NCKAP1: variants seen among roughly 807,000 people sequenced by gnomAD.
The protein encoded by NCKAP1 is NCK associated protein 1, also known as nck-associated protein 1.
A neutral mutation model predicts 151.2 loss-of-function variants in NCKAP1; 21 were observed. The ratio of observed to expected loss-of-function variants is 0.14; its 90% CI spans 0.10 to 0.20. The LOEUF (loss-of-function observed/expected upper bound fraction) is 0.20, where lower values mean the gene tolerates loss of function less well. Ranked by LOEUF, NCKAP1 falls within the 10% of genes least tolerant of loss-of-function variation. The pLI, the probability that NCKAP1 is intolerant of heterozygous loss-of-function variation, is 1.00. For synonymous variants in NCKAP1, 484 were observed against 451.8 expected (o/e 1.07, Z -0.90); for missense variants, 933 against 1,352.1 (o/e 0.69, Z 4.86).
chr2:183,025,268 A>C (rs556433245), intron 1 of NCKAP1, among the ~76,000 whole-genome samples: 1 of 152,330 alleles, frequency 6.6e-6, no homozygotes, highest in South Asian at 2.1e-4. Context: ...AACTTAAAAT[A>C]ATACTAGAAA....
intron 1 of NCKAP1, among the ~76,000 whole-genome samples, chr2:183,027,270 A>T (rs73977807): frequency 0.013 from 2,007 of 152,304 alleles, 48 homozygotes; most frequent in African/African-American, 0.046. Context: ...TTTTATGTTC[A>T]CTACATGAAA....
In NCKAP1 at chr2:182,962,236, A is replaced by C; in HGVS notation, c.1804T>G (p.Phe602Val). The change falls in exon 18 of 31, where the codon TTC (phenylalanine) becomes GTC (valine). Residue 602 changes from phenylalanine (F) to valine (V), a missense_variant. Phe to Val is a conservative substitution (Grantham distance 50, BLOSUM62 -1). Transcript: ENST00000361354. The part of the protein sequence containing the change: ...GDRSLSLCNM[F>V]LDEMAKQARN... ...GCTTGTTTGGCCATTTCATCTAGGA[A>C]CATATTACATAAGGAAAGACTGCGA... 6.2e-7 allele frequency: 1 copy of C among 1,611,064 alleles called. No individual in the cohort carries two copies. Among genetic ancestry groups the C allele is most frequent in the Non-Finnish European group, 8.5e-7 (1 of 1,177,566 alleles).
intron 15 of NCKAP1, among the ~76,000 whole-genome samples, chr2:182,968,400 A>T (rs896872031): frequency 1.3e-5 from 2 of 152,080 alleles, no homozygotes; most frequent in Non-Finnish European, 2.9e-5. Flanking sequence ...CTGTTGGGAG[A>T]TACTCCTGCA....
intron 23 of NCKAP1, 74 bp from the exon 24 acceptor site, chr2:182,942,237 T>C: frequency 1.8e-6 from 2 of 1,130,406 alleles, no homozygotes; most frequent in Non-Finnish European, 2.6e-6. Flanking sequence ...TGCTTGGAAA[T>C]TACAATCTGG....
At chr2:182,970,929 C>G (rs1356429901) in intron 15 of NCKAP1, among the ~76,000 whole-genome samples, 1 of 151,974 alleles carries the variant, frequency 6.6e-6, no homozygotes, top group African/African-American at 2.4e-5. Flanking sequence ...ATACAAAAAT[C>G]AGAGGCATTT....
rs962184710 is a variant in NCKAP1, at chr2:182,953,487, C to T, written c.2154-156G>A. The stretch of plus-strand genomic sequence containing the variant: ...GCTGTAAAATTACTGTCATTATCTT[C>T]CCAGGAAACAGCGTAAAAAAAGAAT... On this transcript the variant is annotated intron_variant, in intron 20 of 30. Transcript: ENST00000361354. 3.3e-5 allele frequency among the ~76,000 whole-genome samples: 5 copies of T among 152,084 alleles called. No individual in the cohort carries two copies. The East Asian group carries it at 9.6e-4, about 29-fold the overall frequency.
intron 28 of NCKAP1, among the ~76,000 whole-genome samples, chr2:182,928,574 T>C (rs1696694917): frequency 1.6e-5 from 2 of 123,952 alleles, no homozygotes; most frequent in Admixed American, 1.6e-4. Context: ...ATGAGTTGGA[T>C]AATCCCTCAC....
intron 1 of NCKAP1, among the ~76,000 whole-genome samples, chr2:183,027,698 A>T (rs1016953876): frequency 2.6e-5 from 4 of 152,104 alleles, no homozygotes; most frequent in East Asian, 1.9e-4. Context: ...CTACAAAAAA[A>T]TTTTTAAAAA....
chr2:182,979,211 G>A (rs865935246), intron 13 of NCKAP1, among the ~76,000 whole-genome samples: 5 of 152,080 alleles, frequency 3.3e-5, no homozygotes, highest in African/African-American at 7.2e-5. Flanking sequence ...ACAAACACCA[G>A]TTGCTGTCAG....
intron 2 of NCKAP1, among the ~76,000 whole-genome samples, chr2:183,018,617 C>T (rs1698739520): frequency 6.6e-6 from 1 of 152,096 alleles, no homozygotes; most frequent in African/African-American, 2.4e-5. Context: ...TTCAATAATA[C>T]CATTAATAAG....
intron 15 of NCKAP1, 115 bp from the exon 16 acceptor site, chr2:182,967,476 T>G: frequency 1.1e-6 from 1 of 915,500 alleles, no homozygotes; most frequent in Non-Finnish European, 1.7e-6. Context: ...ACTGTGACAC[T>G]GACAGTAACA....
chr2:183,031,250 A>C (rs953683302), intron 1 of NCKAP1, among the ~76,000 whole-genome samples: 2 of 152,210 alleles, frequency 1.3e-5, no homozygotes, highest in African/African-American at 4.8e-5. Context: ...TTAGTGATTC[A>C]AATGAGTTAT....
At chr2:183,013,567 C>T (rs1406957610) in intron 2 of NCKAP1, among the ~76,000 whole-genome samples, 1 of 152,192 alleles carries the variant, frequency 6.6e-6, no homozygotes, top group African/African-American at 2.4e-5. Context: ...CAGCTCTCAT[C>T]TCAATGATGG....
At chr2:182,928,423 G>A (rs191577587) in intron 28 of NCKAP1, among the ~76,000 whole-genome samples, 197 bp from the exon 29 acceptor site, 2 of 152,122 alleles carry the variant, frequency 1.3e-5, no homozygotes, top group East Asian at 1.9e-4. Flanking sequence ...AGTAACAAAC[G>A]ATCGTGTATA....
rs5836857 is a variant in NCKAP1, at chr2:182,910,948, G to GCACCCCCCCCCC, written c.*14753_*14754insGGGGGGGGGGTG. On this transcript the variant is annotated 3_prime_UTR_variant, in exon 31 of 31. Coordinates refer to ENST00000361354, the MANE Select transcript of NCKAP1 (RefSeq NM_013436.5). ...CTTGGAAATAAAAATAAAATCCTAA[G>GCACCCCCCCCCC]CTCCCCCCCCACATTTGACTAAACA... is the stretch of plus-strand genomic sequence containing the variant. 3 of 117,814 alleles carry GCACCCCCCCCCC rather than the reference G, an allele frequency of 2.5e-5. No individual in the cohort carries two copies. Among genetic ancestry groups the GCACCCCCCCCCC allele is most frequent in the Non-Finnish European group, 5.3e-5 (3 of 56,332 alleles). 7.3% of individuals were successfully genotyped at this position (117,814 alleles called of 1,614,324 possible). A position where few individuals can be genotyped will look rare whatever the true frequency, so the allele number is the denominator to read the frequency against.
At chr2:182,993,704 T>C (rs1039816162) in intron 8 of NCKAP1, among the ~76,000 whole-genome samples, 1 of 151,440 alleles carries the variant, frequency 6.6e-6, no homozygotes, top group Non-Finnish European at 1.5e-5. Flanking sequence ...AAAGGAACAA[T>C]AGACACCAGG....
intron 2 of NCKAP1, among the ~76,000 whole-genome samples, chr2:183,004,190 C>T (rs963108): frequency 0.99 from 151,476 of 152,250 alleles, 75,363 homozygotes; most frequent in Middle Eastern, 1. Context: ...TGAATCTGCC[C>T]TTTAACAAGA....
intron 15 of NCKAP1, among the ~76,000 whole-genome samples, chr2:182,971,391 CT>C (rs1559087510): frequency 1.1e-5 from 1 of 89,766 alleles, no homozygotes; most frequent in East Asian, 3.0e-4. Flanking sequence ...GAGACTCCGT[CT>C]CAAAAAAAAA....
chr2:183,017,744 T>C (rs1196801207), intron 2 of NCKAP1, among the ~76,000 whole-genome samples: 1 of 152,092 alleles, frequency 6.6e-6, no homozygotes, highest in East Asian at 1.9e-4. Context: ...TTCACACATA[T>C]ACACTATGGG....
Sources: allele counts gnomAD v4.1 joint callset (sites outside exome capture counted in the v4.1 genomes callset), GRCh38; gene constraint gnomAD v4.1.1; transcripts MANE v1.5; gene names NCBI Gene and HGNC (gene_info 2026-07-23, HGNC 2026-07-21).